PARD3B: variants seen among roughly 807,000 people sequenced by gnomAD.
The protein encoded by PARD3B is par-3 family cell polarity regulator beta.
Under a neutral mutation model 130.2 loss-of-function variants are expected in PARD3B, and 103 were observed. That is an observed-to-expected ratio of 0.79 (90% CI 0.67 to 0.93). PARD3B has a LOEUF of 0.93. Among genes scored for constraint, PARD3B ranks in the 40% least tolerant of loss-of-function variants. The pLI is 0.00. For synonymous variants in PARD3B, 583 were observed against 553.2 expected (o/e 1.05, Z -0.76); for missense variants, 1,609 against 1,499.2 (o/e 1.07, Z -1.21).
At chr2:204,815,744 T>C (rs2043123998) in intron 2 of PARD3B, among the ~76,000 whole-genome samples, 1 of 152,162 alleles carries the variant, frequency 6.6e-6, no homozygotes, top group Middle Eastern at 3.4e-3. Flanking sequence ...CAAAGTACTT[T>C]CTAATTTTCC....
At chr2:204,935,847 AT>A (rs1241569810) in intron 2 of PARD3B, among the ~76,000 whole-genome samples, 1 of 152,168 alleles carries the variant, frequency 6.6e-6, no homozygotes, top group East Asian at 1.9e-4. Context: ...AGTTCTGATA[AT>A]TACAGGATTA....
In PARD3B at chr2:205,253,265, A is replaced by G; in HGVS notation, c.2185+7443A>G. ...GAGTGAGAAGATAGAGACAGGGTAG[A>G]TAGACACTTAAGAGTAAAATGTATT... On this transcript the variant is annotated intron_variant, in intron 16 of 22. Transcript: ENST00000406610. This position sits in a 1 kb window ranked among gnomAD's most constrained non-coding sequence, Gnocchi z 4.4. 2.1e-6 allele frequency: 1 copy of G among 471,308 alleles called. No individual in the cohort carries two copies. Among genetic ancestry groups the G allele is most frequent in the Non-Finnish European group, 4.3e-6 (1 of 234,920 alleles). 29.2% of individuals were successfully genotyped at this position (471,308 alleles called of 1,614,324 possible).
chr2:204,771,333 G>A (rs559236081), intron 2 of PARD3B, among the ~76,000 whole-genome samples: 5 of 152,180 alleles, frequency 3.3e-5, no homozygotes, highest in Non-Finnish European at 7.4e-5. Flanking sequence ...GATGAGGTGT[G>A]GTGACCACAG....
chr2:204,843,443 A>G (rs1439712401), intron 2 of PARD3B, among the ~76,000 whole-genome samples: 1 of 151,832 alleles, frequency 6.6e-6, no homozygotes, highest in African/African-American at 2.4e-5. Flanking sequence ...TGGCTGAGGT[A>G]CAGTGGCGTG....
rs2036595576 is a variant in PARD3B, at chr2:204,677,234, C to T, written c.121-8947C>T. The stretch of plus-strand genomic sequence containing the variant: ...CTCCAGTGTAATCCAGATACTTCCT[C>T]TGGTGCTCAACTGAAAAGACAATGA... On this transcript the variant is annotated intron_variant, in intron 1 of 22. Transcript: ENST00000406610. This position sits in a 1 kb window ranked among gnomAD's most constrained non-coding sequence, Gnocchi z 4.1. 6.6e-6 allele frequency among the ~76,000 whole-genome samples: 1 copy of T among 152,152 alleles called. No homozygotes were observed. Among genetic ancestry groups the T allele is most frequent in the Non-Finnish European group, 1.5e-5 (1 of 68,042 alleles).
chr2:205,204,633 A>G (rs923664433), intron 15 of PARD3B, among the ~76,000 whole-genome samples: 6 of 152,064 alleles, frequency 3.9e-5, no homozygotes, highest in African/African-American at 7.2e-5. Context: ...TGTAAAAAAT[A>G]TAAGGAAGGA....
At chr2:204,744,285 A>G (rs956102299) in intron 2 of PARD3B, among the ~76,000 whole-genome samples, 2 of 152,164 alleles carry the variant, frequency 1.3e-5, no homozygotes, top group African/African-American at 4.8e-5. Flanking sequence ...TCACAGTAAA[A>G]CAGAATGTGG....
At chr2:204,912,376 G>C (rs2047271433) in intron 2 of PARD3B, among the ~76,000 whole-genome samples, 1 of 151,896 alleles carries the variant, frequency 6.6e-6, no homozygotes, top group Non-Finnish European at 1.5e-5. Context: ...ACAGAATAAA[G>C]TACACAGCTG....
At chr2:204,883,497 A>G (rs116306524) in intron 2 of PARD3B, among the ~76,000 whole-genome samples, 8,831 of 130,288 alleles carry the variant, frequency 0.068, 374 homozygotes, top group Middle Eastern at 0.11. Flanking sequence ...CTCTGAGGCT[A>G]GAGTGCAGTG....
At chr2:204,776,946 T>G (rs540154373) in intron 2 of PARD3B, among the ~76,000 whole-genome samples, 3 of 151,662 alleles carry the variant, frequency 2.0e-5, no homozygotes, top group East Asian at 3.9e-4. Context: ...AAAAGAGAAG[T>G]GAGTAGATAG....
At chr2:205,174,783 AT>A (rs1013750312) in intron 12 of PARD3B, among the ~76,000 whole-genome samples, 4 of 152,170 alleles carry the variant, frequency 2.6e-5, no homozygotes, top group African/African-American at 9.7e-5. Context: ...AGTTGTTGGG[AT>A]TTTTCCCGCA....
intron 1 of PARD3B, among the ~76,000 whole-genome samples, chr2:204,632,802 C>T (rs993427824): frequency 7.9e-5 from 12 of 152,188 alleles, no homozygotes; most frequent in African/African-American, 2.9e-4. Flanking sequence ...GGCCATCACC[C>T]CACCCTGCTT....
intron 16 of PARD3B, among the ~76,000 whole-genome samples, chr2:205,251,951 T>C (rs1281117693): frequency 6.6e-6 from 1 of 152,138 alleles, no homozygotes; most frequent in Non-Finnish European, 1.5e-5. Flanking sequence ...GCAGCCTTGG[T>C]TTATATTTCC....
At chr2:205,534,824 A>G (rs1344810200) in intron 21 of PARD3B, among the ~76,000 whole-genome samples, 4 of 152,286 alleles carry the variant, frequency 2.6e-5, no homozygotes, top group Admixed American at 2.6e-4. Context: ...ATAGATGATG[A>G]TACGTATTCC....
Position 205,413,624 on chromosome 2 carries a change from A to G in PARD3B, c.2741+12501A>G, listed in dbSNP as rs188572798. Among the ~76,000 whole-genome samples, 71 of 152,048 alleles carry G rather than the reference A, an allele frequency of 4.7e-4. No individual in the cohort carries two copies. In the East Asian group the frequency reaches 0.014, roughly 29 times the overall value. Reference sequence around the variant, plus strand: ...TTCCCTGGGCTATGAAATGGTGTCAAGAAATATGAGGTTATTTGTAACTGG... The same window carrying G: ...TTCCCTGGGCTATGAAATGGTGTCAGGAAATATGAGGTTATTTGTAACTGG... On this transcript the variant is annotated intron_variant, in intron 19 of 22. Coordinates refer to ENST00000406610, the MANE Select transcript of PARD3B (RefSeq NM_001302769.2).
chr2:205,479,889 T>C (rs2049162491), intron 20 of PARD3B, among the ~76,000 whole-genome samples: 1 of 146,990 alleles, frequency 6.8e-6, no homozygotes, highest in African/African-American at 2.5e-5. Flanking sequence ...GCTCCAGCCA[T>C]ATGCAATTTT....
intron 21 of PARD3B, among the ~76,000 whole-genome samples, chr2:205,529,746 T>C (rs1463524015): frequency 6.6e-6 from 1 of 152,246 alleles, no homozygotes; most frequent in African/African-American, 2.4e-5. Flanking sequence ...ATTTTCCCTT[T>C]TTCTTATGGA....
intron 22 of PARD3B, among the ~76,000 whole-genome samples, chr2:205,555,308 C>G (rs1054354096): frequency 6.6e-6 from 1 of 152,122 alleles, no homozygotes; most frequent in Non-Finnish European, 1.5e-5. Context: ...CTAGTATGTA[C>G]CAGGCCCTGA....
chr2:205,030,829 T>A (rs1402690701), intron 3 of PARD3B, among the ~76,000 whole-genome samples: 1 of 152,286 alleles, frequency 6.6e-6, no homozygotes, highest in South Asian at 2.1e-4. Flanking sequence ...CCCTTTGTAA[T>A]GTGACCTTGC....
Sources: allele counts gnomAD v4.1 joint callset (sites outside exome capture counted in the v4.1 genomes callset), GRCh38; gene constraint gnomAD v4.1.1; non-coding constraint Gnocchi (gnomAD v3.1); transcripts MANE v1.5; gene names NCBI Gene and HGNC (gene_info 2026-07-23, HGNC 2026-07-21).